PDE10A: variants seen among roughly 807,000 people sequenced by gnomAD.
PDE10A encodes the protein cAMP and cAMP-inhibited cGMP 3',5'-cyclic phosphodiesterase 10A.
PDE10A carries 39 observed loss-of-function variants against 97.7 expected under a neutral mutation model. The observed-to-expected ratio is 0.40, with a 90% CI of 0.31 to 0.52. The LOEUF is 0.52. Ranked by LOEUF, PDE10A falls within the 20% of genes least tolerant of loss-of-function variation. PDE10A has a pLI of 0.56. For missense variants in PDE10A, 731 were observed against 1,047.8 expected (o/e 0.70, Z 4.17); for synonymous variants, 371 against 376.8 (o/e 0.98, Z 0.18).
chr6:165,529,728 A>G (rs1329214644), intron 2 of PDE10A, among the ~76,000 whole-genome samples: 1 of 152,192 alleles, frequency 6.6e-6, no homozygotes, highest in Non-Finnish European at 1.5e-5. Flanking sequence ...TTTATGGAAT[A>G]GTATTTGGGT....
At chr6:165,984,149 T>C (rs1340892771) in intron 1 of PDE10A, among the ~76,000 whole-genome samples, 1 of 152,162 alleles carries the variant, frequency 6.6e-6, no homozygotes, top group South Asian at 2.1e-4. Context: ...ATAAAATCTT[T>C]AGACATTTTT....
chr6:165,397,795 C>T (rs1317691070), intron 13 of PDE10A, among the ~76,000 whole-genome samples: 2 of 150,486 alleles, frequency 1.3e-5, no homozygotes, highest in Non-Finnish European at 3.0e-5. Context: ...TAGCTTCCTT[C>T]TTGGTGATCT....
At chr6:165,942,213 G>A (rs1783545766) in intron 1 of PDE10A, among the ~76,000 whole-genome samples, 1 of 152,236 alleles carries the variant, frequency 6.6e-6, no homozygotes, top group Non-Finnish European at 1.5e-5. Flanking sequence ...CCACGCTGTA[G>A]TATATCATAT....
intron 1 of PDE10A, among the ~76,000 whole-genome samples, chr6:165,864,629 C>T (rs922562884): frequency 7.9e-5 from 12 of 152,062 alleles, no homozygotes; most frequent in Non-Finnish European, 1.6e-4. Flanking sequence ...GGAGTGAACC[C>T]CTCTTCACCT....
chr6:165,512,453 T>A (rs1241474568), intron 2 of PDE10A, among the ~76,000 whole-genome samples: 1 of 151,958 alleles, frequency 6.6e-6, no homozygotes, highest in Non-Finnish European at 1.5e-5. Flanking sequence ...TAAAAAAAAA[T>A]TCAGCACTTT....
intron 5 of PDE10A, among the ~76,000 whole-genome samples, chr6:165,441,950 A>G (rs1426443822): frequency 1.3e-5 from 2 of 152,202 alleles, no homozygotes; most frequent in Non-Finnish European, 2.9e-5. Context: ...ATTTTTATCT[A>G]GGTTTTCACA....
chr6:165,702,920 C>A (rs550528052), intron 1 of PDE10A, among the ~76,000 whole-genome samples: 3 of 152,308 alleles, frequency 2.0e-5, no homozygotes, highest in Admixed American at 2.0e-4. Flanking sequence ...CTGAACACTG[C>A]CCCAGAGCAG....
At chr6:165,471,540 T>C (rs1000563807) in intron 3 of PDE10A, among the ~76,000 whole-genome samples, 21 of 152,174 alleles carry the variant, frequency 1.4e-4, no homozygotes, top group Admixed American at 6.5e-4. Flanking sequence ...AAACTGATTG[T>C]CTGTTAGGAA....
intron 1 of PDE10A, among the ~76,000 whole-genome samples, chr6:165,622,092 A>G (rs1311175457): frequency 6.6e-6 from 1 of 152,098 alleles, no homozygotes; most frequent in Non-Finnish European, 1.5e-5. Context: ...AATTCTCCTC[A>G]AGACTGAAAC....
intron 2 of PDE10A, among the ~76,000 whole-genome samples, chr6:165,529,838 G>A (rs1339776520): frequency 3.9e-5 from 6 of 152,052 alleles, no homozygotes; most frequent in South Asian, 2.1e-4. Flanking sequence ...GCCTATGATC[G>A]CAGGAGACGT....
intron 1 of PDE10A, among the ~76,000 whole-genome samples, chr6:165,900,654 C>A (rs945975541): frequency 3.9e-5 from 6 of 152,076 alleles, no homozygotes; most frequent in African/African-American, 1.4e-4. Flanking sequence ...ACCTTTCTTC[C>A]AAACCCAGTG....
At chr6:165,499,141 C>T (rs753714359) in intron 2 of PDE10A, among the ~76,000 whole-genome samples, 3 of 152,086 alleles carry the variant, frequency 2.0e-5, no homozygotes, top group African/African-American at 7.2e-5. Flanking sequence ...TCTAACAAGG[C>T]AGGCAGAGGA....
At chr6:165,737,465 G>A (rs924564711) in intron 1 of PDE10A, among the ~76,000 whole-genome samples, 4 of 152,118 alleles carry the variant, frequency 2.6e-5, no homozygotes, top group African/African-American at 9.7e-5. Context: ...ATTCACTCCA[G>A]GAATGCAATG....
chr6:165,700,347 G>A (rs1791537611), intron 1 of PDE10A, among the ~76,000 whole-genome samples: 1 of 152,174 alleles, frequency 6.6e-6, no homozygotes, highest in Admixed American at 6.5e-5. Context: ...AAAGAGCATG[G>A]GGTGTCTTTT....
At chr6:165,524,910 G>A (rs577359882) in intron 2 of PDE10A, among the ~76,000 whole-genome samples, 6 of 152,050 alleles carry the variant, frequency 3.9e-5, no homozygotes, top group Non-Finnish European at 8.8e-5. Flanking sequence ...TTTTTTGCCA[G>A]AAGAAACAGC....
At chr6:165,455,934 T>C (rs775916897) in intron 3 of PDE10A, among the ~76,000 whole-genome samples, 1 of 152,244 alleles carries the variant, frequency 6.6e-6, no homozygotes, top group Non-Finnish European at 1.5e-5. Context: ...GGTATTTACA[T>C]AATTACAGAA....
Position 165,671,213 on chromosome 6 carries a change from C to G in PDE10A, c.-614-127645G>C, listed in dbSNP as rs889198958. Reference sequence around the variant, plus strand: ...AAAGTCTACTTGTTTTTGTAAATGTCATCTGGTGATAGGCTAGAGTGAAAC... The same window carrying G: ...AAAGTCTACTTGTTTTTGTAAATGTGATCTGGTGATAGGCTAGAGTGAAAC... On this transcript the variant is annotated intron_variant, in intron 1 of 19. Coordinates refer to the PDE10A transcript ENST00000366882. The surrounding 1 kb of genome is among the most constrained non-coding windows in gnomAD (Gnocchi z 4.6). Among the ~76,000 whole-genome samples the G allele has an allele frequency of 6.6e-6, 1 of 151,922 alleles. No individual in the cohort carries two copies.
At chr6:165,610,494 G>C (rs1276940326) in intron 1 of PDE10A, among the ~76,000 whole-genome samples, 1 of 145,328 alleles carries the variant, frequency 6.9e-6, no homozygotes, top group African/African-American at 2.6e-5. Context: ...TCGCGCCACT[G>C]CACTCCAGCC....
intron 10 of PDE10A, among the ~76,000 whole-genome samples, chr6:165,427,541 G>A (rs546836191): frequency 9.3e-4 from 141 of 152,160 alleles, no homozygotes; most frequent in African/African-American, 3.2e-3. Context: ...TGCTTTATGA[G>A]GTAATGAAAA....
Sources: allele counts gnomAD v4.1 joint callset (sites outside exome capture counted in the v4.1 genomes callset), GRCh38; gene constraint gnomAD v4.1.1; non-coding constraint Gnocchi (gnomAD v3.1); transcripts MANE v1.5; gene names NCBI Gene and HGNC (gene_info 2026-07-23, HGNC 2026-07-21).